ARSB: variants seen among roughly 807,000 people sequenced by gnomAD.
ARSB encodes arylsulfatase B.
In ARSB, 41 loss-of-function variants were observed where a neutral mutation model predicts 50.9. The observed-to-expected ratio is 0.81, with a 90% CI of 0.63 to 1.04. ARSB has a LOEUF of 1.04. Ranked by LOEUF, ARSB falls within the 50% of genes least tolerant of loss-of-function variation. ARSB has a pLI of 0.00. For missense variants in ARSB, 672 were observed against 693.3 expected (o/e 0.97, Z 0.35); for synonymous variants, 269 against 284.8 (o/e 0.94, Z 0.56).
rs1261963124 is a variant in ARSB at position 78,940,090 on chromosome 5, G to A, written c.898+15205C>T. 2.0e-5 allele frequency among the ~76,000 whole-genome samples: 3 copies of A among 152,316 alleles called. No individual in the cohort carries two copies. In the East Asian group the frequency reaches 5.8e-4, roughly 29 times the overall value. On this transcript the variant is annotated intron_variant, in intron 4 of 7. Transcript: ENST00000264914. ...CTGCATAAATGTCTTCTTTTGAGAA[G>A]TGTCTGTTCATATCCTTCGCCCACT...
At chr5:78,809,896 A>T (rs772982303) in intron 6 of ARSB, among the ~76,000 whole-genome samples, 12 of 152,080 alleles carry the variant, frequency 7.9e-5, no homozygotes, top group Admixed American at 7.2e-4. Context: ...GGCCACAGAG[A>T]GGAATAGGGG....
intron 5 of ARSB, among the ~76,000 whole-genome samples, chr5:78,871,409 C>G (rs2112152100): frequency 6.6e-6 from 1 of 151,368 alleles, no homozygotes; most frequent in African/African-American, 2.4e-5. Flanking sequence ...TACCTGACTT[C>G]AAACTATACT....
At chr5:78,851,822 C>T (rs1024207470) in intron 5 of ARSB, among the ~76,000 whole-genome samples, 3 of 152,064 alleles carry the variant, frequency 2.0e-5, no homozygotes, top group African/African-American at 2.4e-5. Context: ...TAATGGCCTT[C>T]TTTGTCTCTT....
At chr5:78,935,822 T>C (rs967262200) in intron 4 of ARSB, among the ~76,000 whole-genome samples, 5 of 152,128 alleles carry the variant, frequency 3.3e-5, no homozygotes, top group African/African-American at 1.2e-4. Context: ...TACCCAAGAT[T>C]GCATAGGCAT....
intron 5 of ARSB, among the ~76,000 whole-genome samples, chr5:78,861,305 A>G (rs1746423984): frequency 3.3e-5 from 5 of 152,158 alleles, no homozygotes; most frequent in Admixed American, 3.3e-4. Context: ...CAGAGACACA[A>G]CAAAAAAAGA....
At chr5:78,836,312 G>T (rs969554564) in intron 6 of ARSB, among the ~76,000 whole-genome samples, 1 of 152,224 alleles carries the variant, frequency 6.6e-6, no homozygotes, top group Non-Finnish European at 1.5e-5. Flanking sequence ...CTGTGTGTGT[G>T]TGAAGCAACA....
chr5:78,951,623 C>A (rs1187929022), intron 4 of ARSB, among the ~76,000 whole-genome samples: 1 of 152,058 alleles, frequency 6.6e-6, no homozygotes, highest in Non-Finnish European at 1.5e-5. Context: ...AAAATAGGAA[C>A]AAGGAAAGCC....
intron 4 of ARSB, among the ~76,000 whole-genome samples, chr5:78,931,749 G>C (rs1161798614): frequency 6.6e-5 from 10 of 152,020 alleles, no homozygotes; most frequent in African/African-American, 2.4e-4. Context: ...TGGTTTGGCT[G>C]TGTCCCCACC....
At chr5:78,813,508 A>C (rs940469639) in intron 6 of ARSB, among the ~76,000 whole-genome samples, 2 of 152,188 alleles carry the variant, frequency 1.3e-5, no homozygotes, top group Admixed American at 6.5e-5. Flanking sequence ...CTGTAATCCC[A>C]ACACTTTGTG....
chr5:78,831,180 C>T (rs1282657504), intron 6 of ARSB, among the ~76,000 whole-genome samples: 1 of 152,062 alleles, frequency 6.6e-6, no homozygotes, highest in South Asian at 2.1e-4. Context: ...TCGTTCCCAA[C>T]GTATAGGTGA....
rs375283191 is a variant in ARSB at position 78,973,723 on chromosome 5, C to T, written c.313-4531G>A. Among the ~76,000 whole-genome samples, 15 of 152,290 alleles carry T rather than the reference C, an allele frequency of 9.8e-5. No homozygotes were observed. In the East Asian group the frequency reaches 1.5e-3, roughly 16 times the overall value. On this transcript the variant is annotated intron_variant, in intron 1 of 7. Transcript: ENST00000264914. ...GCACAATATTTCAGCTACACTCAAA[C>T]TCTCCCAAGAGCGAAGCAAACCACT...
At chr5:78,962,323 T>TAAAA in intron 3 of ARSB, among the ~76,000 whole-genome samples, 1 of 152,230 alleles carries the variant, frequency 6.6e-6, no homozygotes, top group African/African-American at 2.4e-5. Context: ...AGCAACTATT[T>TAAAA]TTCCAATTAT....
intron 5 of ARSB, among the ~76,000 whole-genome samples, chr5:78,880,340 C>T (rs1445980608): frequency 6.6e-6 from 1 of 152,172 alleles, no homozygotes; most frequent in Non-Finnish European, 1.5e-5. Flanking sequence ...ATAATAACCT[C>T]AGTAAATTTG....
chr5:78,866,153 C>G (rs576964005), intron 5 of ARSB, among the ~76,000 whole-genome samples: 1 of 152,268 alleles, frequency 6.6e-6, no homozygotes, highest in East Asian at 1.9e-4. Flanking sequence ...TAAAGACATA[C>G]CCAAGACTGG....
intron 4 of ARSB, among the ~76,000 whole-genome samples, chr5:78,936,399 C>G (rs1162352362): frequency 8.6e-5 from 13 of 150,836 alleles, no homozygotes; most frequent in African/African-American, 2.4e-4. Context: ...GCTGGGATTA[C>G]AGGTGCGAGC....
chr5:78,851,616 G>C (rs1279609659), intron 5 of ARSB, among the ~76,000 whole-genome samples: 1 of 152,150 alleles, frequency 6.6e-6, no homozygotes, highest in African/African-American at 2.4e-5. Flanking sequence ...GGGTATCTTT[G>C]TTAACTTTCT....
At chr5:78,899,965 T>C (rs552254020) in intron 4 of ARSB, among the ~76,000 whole-genome samples, 16 of 152,210 alleles carry the variant, frequency 1.1e-4, no homozygotes, top group Admixed American at 5.2e-4. Context: ...TCATTGAATA[T>C]ATTTGCTTAA....
At chr5:78,951,043 G>A (rs991016754) in intron 4 of ARSB, among the ~76,000 whole-genome samples, 4 of 152,076 alleles carry the variant, frequency 2.6e-5, no homozygotes, top group African/African-American at 9.7e-5. Flanking sequence ...GTAGATCTGG[G>A]TTTGAATTCT....
At chr5:78,911,872 T>C (rs953172865) in intron 4 of ARSB, among the ~76,000 whole-genome samples, 3 of 152,146 alleles carry the variant, frequency 2.0e-5, no homozygotes, top group Non-Finnish European at 4.4e-5. Flanking sequence ...TAGGGGCAAA[T>C]CCACTATTAA....
Sources: gnomAD v4.1 joint callset for allele counts (sites outside exome capture counted in the v4.1 genomes callset) on GRCh38, gnomAD v4.1.1 for gene constraint, MANE v1.5 for transcripts, NCBI Gene and HGNC (gene_info 2026-07-23, HGNC 2026-07-21) for gene names.